HAO1: variants seen among roughly 807,000 people sequenced by gnomAD.
The protein encoded by HAO1 is 2-Hydroxyacid oxidase 1.
HAO1 carries 34 observed loss-of-function variants against 39.7 expected under a neutral mutation model. The ratio of observed to expected loss-of-function variants is 0.86; its 90% CI spans 0.65 to 1.14. HAO1 has a LOEUF of 1.14. Among genes scored for constraint, HAO1 ranks in the 50% most tolerant of loss-of-function variants. The probability of loss-of-function intolerance (pLI) is 0.00; values close to 1 mark genes in which losing one functional copy is unlikely to be tolerated. For synonymous variants in HAO1, 172 were observed against 173.2 expected (o/e 0.99, Z 0.05); for missense variants, 479 against 464.5 (o/e 1.03, Z -0.29).
chr20:7,926,131 T>C (rs1600119470), intron 2 of HAO1, among the ~76,000 whole-genome samples: 2 of 152,116 alleles, frequency 1.3e-5, no homozygotes, highest in East Asian at 1.9e-4. Context: ...AAAGCAAGTC[T>C]AAAACATAAA....
intron 3 of HAO1, among the ~76,000 whole-genome samples, chr20:7,912,593 AAG>A (rs888914622): frequency 1.7e-4 from 25 of 148,438 alleles, no homozygotes; most frequent in Middle Eastern, 3.2e-3. Context: ...AAAAAAAAAA[AAG>A]TAGTCAAAAT....
intron 2 of HAO1, among the ~76,000 whole-genome samples, chr20:7,924,162 TC>T (rs909390728): frequency 3.9e-5 from 6 of 152,016 alleles, no homozygotes; most frequent in Non-Finnish European, 5.9e-5. Flanking sequence ...TTAACCATTA[TC>T]CCATGATTTT....
At chr20:7,914,484 G>T in intron 2 of HAO1, 65 bp from the exon 3 acceptor site, 2 of 1,555,264 alleles carry the variant, frequency 1.3e-6, no homozygotes, top group Non-Finnish European at 8.8e-7. Flanking sequence ...CCTTTGAATT[G>T]TAGTTGGATG....
chr20:7,937,210 C>A (rs1479794552), intron 1 of HAO1, among the ~76,000 whole-genome samples: 1 of 152,074 alleles, frequency 6.6e-6, no homozygotes, highest in South Asian at 2.1e-4. Context: ...AAAGTAGCTG[C>A]CCTGTTGAAG....
In HAO1 at chr20:7,899,002, C is replaced by T. The variant is rs916497001; in HGVS notation, c.722-3778G>A. Among the ~76,000 whole-genome samples, 5 of 151,132 alleles carry T rather than the reference C, an allele frequency of 3.3e-5. No homozygotes were observed. The South Asian group carries it at 8.3e-4, about 25-fold the overall frequency. ...TAGACAATGGTATTTTTTCAAACCTCGTAATTGAGCATACGTATAGCTCTC... is the reference window on the plus strand; with the variant it reads ...TAGACAATGGTATTTTTTCAAACCTTGTAATTGAGCATACGTATAGCTCTC... On this transcript the variant is annotated intron_variant, in intron 4 of 7. Coordinates refer to ENST00000378789, the MANE Select transcript of HAO1 (RefSeq NM_017545.3).
intron 2 of HAO1, among the ~76,000 whole-genome samples, chr20:7,926,921 C>A (rs2050361849): frequency 6.6e-6 from 1 of 151,130 alleles, no homozygotes; most frequent in Non-Finnish European, 1.5e-5. Flanking sequence ...ATTCCTGGAA[C>A]GCATTAGGTA....
At chr20:7,931,621 T>A (rs2050386067) in intron 2 of HAO1, among the ~76,000 whole-genome samples, 1 of 152,214 alleles carries the variant, frequency 6.6e-6, no homozygotes, top group Non-Finnish European at 1.5e-5. Flanking sequence ...AACATGATAA[T>A]TGCTTTATAA....
chr20:7,903,258 C>T (rs2050229111), intron 4 of HAO1, among the ~76,000 whole-genome samples: 1 of 150,060 alleles, frequency 6.7e-6, no homozygotes, highest in Non-Finnish European at 1.5e-5. Flanking sequence ...AGTTATTTCC[C>T]TTTAAATGTC....
chr20:7,930,760 T>A lies in HAO1; in HGVS notation c.289+3724A>T, dbSNP rs559675024. Among the ~76,000 whole-genome samples the A allele has an allele frequency of 1.6e-3, 245 of 152,316 alleles. 1 individual carries two copies. Among genetic ancestry groups the A allele is most frequent in the African/African-American group, 4.4e-3 (181 of 41,582 alleles). ...CCACCTACTGCTGTACATCATTAGCTAGGGAACCCTCTCTCCCATTCCCCT... is the reference window on the plus strand; with the variant it reads ...CCACCTACTGCTGTACATCATTAGCAAGGGAACCCTCTCTCCCATTCCCCT... On this transcript the variant is annotated intron_variant, in intron 2 of 7. Coordinates refer to ENST00000378789, the MANE Select transcript of HAO1 (RefSeq NM_017545.3).
intron 3 of HAO1, among the ~76,000 whole-genome samples, chr20:7,907,593 C>G (rs1239407699): frequency 6.6e-6 from 1 of 152,174 alleles, no homozygotes; most frequent in Non-Finnish European, 1.5e-5. Flanking sequence ...TCTAGGAGAA[C>G]CCAACCTGAG....
intron 4 of HAO1, among the ~76,000 whole-genome samples, chr20:7,900,578 G>T (rs184208971): frequency 1.3e-5 from 2 of 152,030 alleles, no homozygotes; most frequent in Non-Finnish European, 2.9e-5. Flanking sequence ...TTGTTTTGGG[G>T]TGCCATGAAC....
At chr20:7,922,316 C>T (rs776496896) in intron 2 of HAO1, among the ~76,000 whole-genome samples, 1 of 151,918 alleles carries the variant, frequency 6.6e-6, no homozygotes, top group South Asian at 2.1e-4. Flanking sequence ...GGTGAAGATG[C>T]AAAGAAAAGG....
chr20:7,883,807 C>A (rs193206719), intron 7 of HAO1, 144 bp from the exon 8 acceptor site: 3 of 693,572 alleles, frequency 4.3e-6, no homozygotes, highest in East Asian at 5.3e-5. Context: ...GGCATGAGAC[C>A]ATTTTTTATT....
chr20:7,907,396 T>C (rs1448957058), intron 3 of HAO1, among the ~76,000 whole-genome samples: 1 of 152,110 alleles, frequency 6.6e-6, no homozygotes, highest in African/African-American at 2.4e-5. Context: ...CTGAGATAAA[T>C]TCTGCCTAAG....
intron 2 of HAO1, among the ~76,000 whole-genome samples, chr20:7,920,505 A>G (rs2050325960): frequency 6.6e-6 from 1 of 152,198 alleles, no homozygotes; most frequent in South Asian, 2.1e-4. Flanking sequence ...GCAGTACAAT[A>G]GATCACTAAA....
At chr20:7,911,067 C>T (rs568340061) in intron 3 of HAO1, among the ~76,000 whole-genome samples, 6 of 152,272 alleles carry the variant, frequency 3.9e-5, no homozygotes, top group African/African-American at 9.6e-5. Flanking sequence ...GCAAAGGCTC[C>T]GGGGTTCCAG....
chr20:7,908,626 G>A (rs1014181169), intron 3 of HAO1, among the ~76,000 whole-genome samples: 2 of 152,174 alleles, frequency 1.3e-5, no homozygotes, highest in African/African-American at 4.8e-5. Flanking sequence ...TTCTCAATAA[G>A]GATTGAATAG....
chr20:7,933,391 G>A (rs1049141263), intron 2 of HAO1, among the ~76,000 whole-genome samples: 3 of 151,996 alleles, frequency 2.0e-5, no homozygotes, highest in African/African-American at 7.2e-5. Context: ...AGCCTGAAAG[G>A]GCCTTTATTA....
intron 3 of HAO1, among the ~76,000 whole-genome samples, chr20:7,909,522 A>G (rs1329673420): frequency 1.3e-5 from 2 of 150,616 alleles, no homozygotes; most frequent in Admixed American, 1.3e-4. Flanking sequence ...CTGTTTAATG[A>G]CGCAAAGGTG....
Sources: allele counts gnomAD v4.1 joint callset (sites outside exome capture counted in the v4.1 genomes callset), GRCh38; gene constraint gnomAD v4.1.1; transcripts MANE v1.5; gene names NCBI Gene and HGNC (gene_info 2026-07-23, HGNC 2026-07-21).